The following RTN1 variants were observed in gnomAD, a reference collection of about 807,000 sequenced individuals.
The protein encoded by RTN1 is reticulon 1.
RTN1 carries 25 observed loss-of-function variants against 65.5 expected under a neutral mutation model. That is an observed-to-expected ratio of 0.38 (90% CI 0.28 to 0.53). The LOEUF is 0.53. Among genes scored for constraint, RTN1 ranks in the 20% least tolerant of loss-of-function variants. RTN1 has a pLI of 0.79. For synonymous variants in RTN1, 471 were observed against 447.6 expected (o/e 1.05, Z -0.66); for missense variants, 983 against 1,025.4 (o/e 0.96, Z 0.57).
chr14:59,771,348 T>C (rs539022338), intron 1 of RTN1, among the ~76,000 whole-genome samples: 10 of 152,312 alleles, frequency 6.6e-5, no homozygotes, highest in East Asian at 1.9e-4. Flanking sequence ...GAGTTGCTGG[T>C]AAACCCATAA....
At position 59,615,409 on chromosome 14, in the gene RTN1, A is replaced by T. The variant is rs547720904; in HGVS notation, c.1766-7917T>A. ...GGTTGCGATGAACAGAGATCATGCC[A>T]TTGCACTCCAGCCTGGACAACAAGA... On this transcript the variant is annotated intron_variant, in intron 3 of 8. Transcript: ENST00000267484. Among the ~76,000 whole-genome samples, 15 of 152,274 alleles carry T rather than the reference A, an allele frequency of 9.9e-5. No homozygotes were observed. The South Asian group carries it at 2.1e-3, about 21-fold the overall frequency.
chr14:59,857,381 T>C (rs1208015889), intron 1 of RTN1, among the ~76,000 whole-genome samples: 1 of 152,230 alleles, frequency 6.6e-6, no homozygotes, highest in Admixed American at 6.5e-5. Context: ...TTCAAATGGC[T>C]TGTCATTATT....
rs769453069 is a variant in RTN1, at chr14:59,746,413, A to C, written c.310T>G (p.Cys104Gly). 1.2e-6 allele frequency: 2 copies of C among 1,613,590 alleles called. No homozygotes were observed. Among genetic ancestry groups the C allele is most frequent in the Non-Finnish European group, 1.7e-6 (2 of 1,179,696 alleles). The change falls in exon 2 of 9, where the codon TGT becomes GGT. Residue 104 changes from cysteine (C) to glycine (G), a missense_variant. Cys to Gly is a radical substitution (Grantham distance 159, BLOSUM62 -3). This residue lies in a region of RTN1 where 818 missense variants were observed against 801.8 expected (regional missense o/e 1.02). Transcript: ENST00000267484. ...STTSKDGEGS[C>G]YTSLISDICY... Reference sequence around the variant, plus strand: ...ATGTCAGAAATGAGAGATGTGTAACACGATCCTTCCCCATCTTTTGATGTT... The same window carrying C: ...ATGTCAGAAATGAGAGATGTGTAACCCGATCCTTCCCCATCTTTTGATGTT...
At chr14:59,777,180 G>A (rs373053996) in intron 1 of RTN1, among the ~76,000 whole-genome samples, 6 of 152,136 alleles carry the variant, frequency 3.9e-5, no homozygotes, top group South Asian at 2.1e-4. Context: ...GTCCGATACC[G>A]TGTTATTGGA....
chr14:59,653,478 T>C (rs571639707), intron 3 of RTN1, among the ~76,000 whole-genome samples: 2 of 152,114 alleles, frequency 1.3e-5, no homozygotes, highest in African/African-American at 4.8e-5. Context: ...CCAGAAATAG[T>C]AAATATTTTG....
intron 3 of RTN1, among the ~76,000 whole-genome samples, chr14:59,711,446 C>T (rs965804436): frequency 2.0e-5 from 3 of 152,158 alleles, no homozygotes; most frequent in Non-Finnish European, 4.4e-5. Flanking sequence ...ATAATGTTCT[C>T]TTCTTAATTA....
intron 3 of RTN1, among the ~76,000 whole-genome samples, chr14:59,725,159 C>A (rs997768370): frequency 1.3e-5 from 2 of 152,230 alleles, no homozygotes; most frequent in African/African-American, 4.8e-5. Flanking sequence ...CTGCAGTTTT[C>A]CATCTCCTCA....
At chr14:59,804,442 A>G (rs1398631814) in intron 1 of RTN1, among the ~76,000 whole-genome samples, 1 of 151,994 alleles carries the variant, frequency 6.6e-6, no homozygotes, top group African/African-American at 2.4e-5. Flanking sequence ...ACTGATAGAA[A>G]CCCTTAATGC....
At chr14:59,707,882 T>A (rs955961379) in intron 3 of RTN1, among the ~76,000 whole-genome samples, 1 of 152,046 alleles carries the variant, frequency 6.6e-6, no homozygotes, top group African/African-American at 2.4e-5. Context: ...TATGAAAGAT[T>A]TGAAAAGAGA....
chr14:59,803,885 TG>T lies in RTN1; in HGVS notation c.242-57405del, dbSNP rs1886590798. 6.6e-6 allele frequency among the ~76,000 whole-genome samples: 1 copy of T among 152,226 alleles called. No homozygotes were observed. Among genetic ancestry groups the T allele is most frequent in the Non-Finnish European group, 1.5e-5 (1 of 68,038 alleles). On this transcript the variant is annotated intron_variant, in intron 1 of 8. Coordinates refer to ENST00000267484, the MANE Select transcript of RTN1 (RefSeq NM_021136.3). The surrounding 1 kb of genome is among the most constrained non-coding windows in gnomAD (Gnocchi z 5.6). Reference sequence around the variant, plus strand: ...ATTTAGGGTTTTATTTATTTATTTATGTTTACACTTTTAATTTTAGAACAGG... The same window carrying T: ...ATTTAGGGTTTTATTTATTTATTTATTTTACACTTTTAATTTTAGAACAGG...
At chr14:59,714,858 G>A (rs755712795) in intron 3 of RTN1, among the ~76,000 whole-genome samples, 9 of 152,188 alleles carry the variant, frequency 5.9e-5, no homozygotes, top group Admixed American at 3.3e-4. Flanking sequence ...GGAGGGGAGC[G>A]GCAGGTGAGT....
intron 1 of RTN1, among the ~76,000 whole-genome samples, chr14:59,831,608 A>ATG: frequency 6.6e-6 from 1 of 152,160 alleles, no homozygotes; most frequent in South Asian, 2.1e-4. Context: ...CTCCATATGT[A>ATG]TGTGTGTGTA....
rs1566754284 is a variant in RTN1 at position 59,870,014 on chromosome 14, C to T, written c.241+376G>A. ...GCACACTGCGCGCAAACACGCCCCCCAAAATCCCCACAACCTGTCAAACGG... is the reference window on the plus strand; with the variant it reads ...GCACACTGCGCGCAAACACGCCCCCTAAAATCCCCACAACCTGTCAAACGG... On this transcript the variant is annotated intron_variant, in intron 1 of 8. Transcript: ENST00000267484. The surrounding 1 kb of genome is among the most constrained non-coding windows in gnomAD (Gnocchi z 5.1). Among the ~76,000 whole-genome samples, 1 of 152,148 alleles carries T rather than the reference C, an allele frequency of 6.6e-6. No individual in the cohort carries two copies. Among genetic ancestry groups the T allele is most frequent in the African/African-American group, 2.4e-5 (1 of 41,454 alleles).
intron 3 of RTN1, among the ~76,000 whole-genome samples, chr14:59,648,648 A>T (rs150415673): frequency 1.3e-5 from 2 of 152,268 alleles, no homozygotes; most frequent in Non-Finnish European, 2.9e-5. Context: ...CAAATCAACA[A>T]ATGTGATTCA....
At chr14:59,824,729 T>C (rs970984083) in intron 1 of RTN1, among the ~76,000 whole-genome samples, 3 of 152,150 alleles carry the variant, frequency 2.0e-5, no homozygotes, top group African/African-American at 4.8e-5. Flanking sequence ...ACAAAAAGGG[T>C]TGACAACTAG....
chr14:59,709,476 A>G (rs1884370320), intron 3 of RTN1, among the ~76,000 whole-genome samples: 1 of 152,244 alleles, frequency 6.6e-6, no homozygotes, highest in Non-Finnish European at 1.5e-5. Flanking sequence ...AGTTCTTAGT[A>G]CTTGTGAAAT....
rs546084776 is a variant in RTN1, at chr14:59,790,359, G to A, written c.242-43878C>T. ...TGATAGCAGTAGTCATTTCTGAATG[G>A]TAGCAACAGAGGTTTGTGTTCCTTT... On this transcript the variant is annotated intron_variant, in intron 1 of 8. Coordinates refer to ENST00000267484, the MANE Select transcript of RTN1 (RefSeq NM_021136.3). This position sits in a 1 kb window ranked among gnomAD's most constrained non-coding sequence, Gnocchi z 4.1. Among the ~76,000 whole-genome samples, 2 of 152,090 alleles carry A rather than the reference G, an allele frequency of 1.3e-5. No individual in the cohort carries two copies. The highest frequency in any genetic ancestry group is 4.2e-4 in the South Asian group (2 of 4,812).
At chr14:59,716,337 C>A (rs192123122) in intron 3 of RTN1, among the ~76,000 whole-genome samples, 3 of 152,256 alleles carry the variant, frequency 2.0e-5, no homozygotes, top group Non-Finnish European at 1.5e-5. Flanking sequence ...TACCTCAACC[C>A]TTGACTTCAA....
chr14:59,791,289 C>A (rs1204432158), intron 1 of RTN1, among the ~76,000 whole-genome samples: 2 of 152,126 alleles, frequency 1.3e-5, no homozygotes, highest in African/African-American at 4.8e-5. Context: ...TATAATTGTT[C>A]CCCAGCTCTC....
Sources: gnomAD v4.1 joint callset for allele counts (sites outside exome capture counted in the v4.1 genomes callset) on GRCh38, gnomAD v4.1.1 for gene constraint, gnomAD v4.1.1 regional missense constraint, Gnocchi (gnomAD v3.1) non-coding constraint, MANE v1.5 for transcripts, NCBI Gene and HGNC (gene_info 2026-07-23, HGNC 2026-07-21) for gene names.